ASAP2: variants seen among roughly 807,000 people sequenced by gnomAD.
ASAP2 encodes arf-GAP with SH3 domain, ANK repeat and PH domain-containing protein 2.
ASAP2 carries 45 observed loss-of-function variants against 131.4 expected under a neutral mutation model. The ratio of observed to expected loss-of-function variants is 0.34; its 90% confidence interval spans 0.27 to 0.44. The LOEUF is 0.44. Among genes scored for constraint, ASAP2 ranks in the 20% least tolerant of loss-of-function variants. The probability of loss-of-function intolerance (pLI) is 1.00; values close to 1 mark genes in which losing one functional copy is unlikely to be tolerated. For synonymous variants in ASAP2, 510 were observed against 503.0 expected (o/e 1.01, Z -0.19); for missense variants, 1,011 against 1,297.0 (o/e 0.78, Z 3.39).
chr2:9,267,897 CAAAA>C (rs34716225), intron 1 of ASAP2, among the ~76,000 whole-genome samples: 1 of 65,004 alleles, frequency 1.5e-5, no homozygotes, highest in Non-Finnish European at 2.7e-5. Context: ...GACTCTATCT[CAAAA>C]AAAAAAAAAA....
At chr2:9,213,622 G>C (rs1462391519) in intron 1 of ASAP2, among the ~76,000 whole-genome samples, 1 of 152,160 alleles carries the variant, frequency 6.6e-6, no homozygotes, top group Non-Finnish European at 1.5e-5. Flanking sequence ...AGCAGGGGGG[G>C]TGGTGGTAAG....
rs553445932 is a variant in ASAP2, at chr2:9,336,844, A to G, written c.849+1665A>G. Among the ~76,000 whole-genome samples, 51 of 152,362 alleles carry G rather than the reference A, an allele frequency of 3.3e-4. 1 individual carries two copies. The East Asian group carries it at 9.3e-3, about 28-fold the overall frequency. ...GTCCAAGGTGGCTGCTCCCCAGCGC[A>G]CCGTTGGAAATGATCGAGAACTGCC... On this transcript the variant is annotated intron_variant, in intron 9 of 27. Transcript: ENST00000281419.
At chr2:9,362,467 AT>A (rs1572549043) in intron 15 of ASAP2, among the ~76,000 whole-genome samples, 2 of 152,272 alleles carry the variant, frequency 1.3e-5, no homozygotes, top group East Asian at 3.9e-4. Flanking sequence ...TGTTGTATAC[AT>A]TGGGTGTGAC....
In ASAP2 at chr2:9,271,375, T is replaced by G. The variant is rs867017037; in HGVS notation, c.127-7942T>G. 375 of 1,374,684 alleles carry G rather than the reference T, an allele frequency of 2.7e-4. 1 individual carries two copies. The Middle Eastern group carries it at 4.3e-3, about 16-fold the overall frequency. 85.2% of individuals were successfully genotyped at this position (1,374,684 alleles called of 1,614,324 possible). ...ATATATGTTCTTGCACCTGTCACCC[T>G]GTAGCTGAATTACTTCTCCATATTC... is the stretch of plus-strand genomic sequence containing the variant. On this transcript the variant is annotated intron_variant, in intron 1 of 27. Coordinates refer to ENST00000281419, the MANE Select transcript of ASAP2 (RefSeq NM_003887.3).
At chr2:9,289,648 G>T (rs1217575315) in intron 2 of ASAP2, among the ~76,000 whole-genome samples, 4 of 152,144 alleles carry the variant, frequency 2.6e-5, no homozygotes. Context: ...GGTCATTGGG[G>T]TGACGTTTAG....
chr2:9,403,135 C>T (rs1166850364), intron 27 of ASAP2, 118 bp from the exon 28 acceptor site: 12 of 772,344 alleles, frequency 1.6e-5, no homozygotes, highest in African/African-American at 3.5e-5. Flanking sequence ...AATTCCTTGT[C>T]GGAAGAGTCT....
intron 1 of ASAP2, among the ~76,000 whole-genome samples, chr2:9,254,934 G>T (rs1444713499): frequency 1.3e-5 from 2 of 152,090 alleles, no homozygotes; most frequent in African/African-American, 4.8e-5. Flanking sequence ...TTTTGACTTC[G>T]GGAAATACCT....
At chr2:9,261,777 G>T (rs1014802439) in intron 1 of ASAP2, among the ~76,000 whole-genome samples, 16 of 152,220 alleles carry the variant, frequency 1.1e-4, no homozygotes, top group African/African-American at 3.9e-4. Flanking sequence ...TGTCCCAGGT[G>T]GGAGAGGGGC....
chr2:9,359,382 T>A (rs1672942595), intron 15 of ASAP2, among the ~76,000 whole-genome samples: 1 of 152,272 alleles, frequency 6.6e-6, no homozygotes, highest in Non-Finnish European at 1.5e-5. Context: ...AAGTCTTTCA[T>A]TCTTGGTTCA....
chr2:9,240,981 G>A (rs987191777), intron 1 of ASAP2, among the ~76,000 whole-genome samples: 16 of 152,338 alleles, frequency 1.1e-4, no homozygotes, highest in Middle Eastern at 3.4e-3. Context: ...GTCACGTCCC[G>A]CGTGGGAGGC....
At position 9,400,086 on chromosome 2, in the gene ASAP2, T is replaced by C; in HGVS notation, c.2734+14T>C. On this transcript the variant is annotated intron_variant, in intron 25 of 27. Coordinates refer to ENST00000281419, the MANE Select transcript of ASAP2 (RefSeq NM_003887.3). Reference sequence around the variant, plus strand: ...CGAGAGGACCTGGTAATTATTTAATTTGGGACTGAGTTTGTTTCTGCTTGG... The same window carrying C: ...CGAGAGGACCTGGTAATTATTTAATCTGGGACTGAGTTTGTTTCTGCTTGG... 1 of 1,611,636 alleles carries C rather than the reference T, an allele frequency of 6.2e-7. No homozygotes were observed. Among genetic ancestry groups the C allele is most frequent in the Admixed American group, 1.7e-5 (1 of 59,912 alleles).
chr2:9,371,361 G>T (rs1486198352), intron 16 of ASAP2, among the ~76,000 whole-genome samples: 2 of 152,120 alleles, frequency 1.3e-5, no homozygotes, highest in Non-Finnish European at 2.9e-5. Context: ...TTTTTCTGAT[G>T]AATTACTTCT....
chr2:9,360,551 A>G lies in ASAP2; in HGVS notation c.1461+1662A>G, dbSNP rs74417063. On this transcript the variant is annotated intron_variant, in intron 15 of 27. Coordinates refer to ENST00000281419, the MANE Select transcript of ASAP2 (RefSeq NM_003887.3). ...GTCCCCAACAAATGTTTAACAGTCAACTCTGGAGAAAAAAGAACCCTGGTT... is the reference window on the plus strand; with the variant it reads ...GTCCCCAACAAATGTTTAACAGTCAGCTCTGGAGAAAAAAGAACCCTGGTT... Among the ~76,000 whole-genome samples the G allele has an allele frequency of 6.6e-3, 1,006 of 152,208 alleles. 10 individuals carry two copies. Among genetic ancestry groups the G allele is most frequent in the African/African-American group, 0.023 (953 of 41,530 alleles).
At chr2:9,357,441 T>C (rs991582200) in intron 14 of ASAP2, among the ~76,000 whole-genome samples, 11 of 152,158 alleles carry the variant, frequency 7.2e-5, no homozygotes, top group African/African-American at 2.7e-4. Context: ...ATCACGCCAC[T>C]GCACTCCAGC....
chr2:9,286,116 G>A (rs1188848284), intron 2 of ASAP2, among the ~76,000 whole-genome samples: 1 of 152,160 alleles, frequency 6.6e-6, no homozygotes, highest in Non-Finnish European at 1.5e-5. Flanking sequence ...GAAGATACTG[G>A]CTGGGCACGG....
At chr2:9,303,148 CA>C (rs1668604084) in intron 3 of ASAP2, among the ~76,000 whole-genome samples, 1 of 152,138 alleles carries the variant, frequency 6.6e-6, no homozygotes, top group East Asian at 1.9e-4. Context: ...TTTAATTAAA[CA>C]AGAGCAATGA....
At chr2:9,320,168 A>G (rs576678437) in intron 4 of ASAP2, 120 bp from the exon 5 acceptor site, 131 of 794,716 alleles carry the variant, frequency 1.6e-4, no homozygotes, top group Middle Eastern at 9.2e-4. Flanking sequence ...TCGTGGGATT[A>G]CATACGTCAT....
chr2:9,208,614 G>A (rs1222760701), intron 1 of ASAP2, among the ~76,000 whole-genome samples: 1 of 152,210 alleles, frequency 6.6e-6, no homozygotes, highest in East Asian at 1.9e-4. Flanking sequence ...TTAATTTGGC[G>A]GAAGAGAGCT....
intron 8 of ASAP2, 106 bp from the exon 9 acceptor site, chr2:9,334,987 A>T (rs1671105004): frequency 7.3e-7 from 1 of 1,367,302 alleles, no homozygotes; most frequent in East Asian, 2.4e-5. Context: ...CCAGCGAGGG[A>T]GGCAGTTGTC....
Sources: allele counts gnomAD v4.1 joint callset (sites outside exome capture counted in the v4.1 genomes callset), GRCh38; gene constraint gnomAD v4.1.1; transcripts MANE v1.5; gene names NCBI Gene and HGNC (gene_info 2026-07-23, HGNC 2026-07-21).